The following PLEKHA3 variants were observed in gnomAD, a reference collection of about 807,000 sequenced individuals.
The protein encoded by PLEKHA3 is pleckstrin homology domain containing A3, also known as pleckstrin homology domain-containing family A member 3.
PLEKHA3 carries 19 observed loss-of-function variants against 39.2 expected under a neutral mutation model. That is an observed-to-expected ratio of 0.48 (90% confidence interval 0.34 to 0.71). The LOEUF is 0.71. Among genes scored for constraint, PLEKHA3 ranks in the 30% least tolerant of loss-of-function variants. The probability of loss-of-function intolerance (pLI) is 0.01; values close to 1 mark genes in which losing one functional copy is unlikely to be tolerated. For synonymous variants in PLEKHA3, 97 were observed against 118.6 expected (o/e 0.82, Z 1.18); for missense variants, 253 against 359.5 (o/e 0.70, Z 2.40).
At chr2:178,487,589 T>C (rs905862741) in intron 2 of PLEKHA3, among the ~76,000 whole-genome samples, 2 of 151,968 alleles carry the variant, frequency 1.3e-5, no homozygotes, top group Non-Finnish European at 2.9e-5. Context: ...GAGGCACATG[T>C]CACTATGCCC....
rs1304351718 is a variant in PLEKHA3, at chr2:178,512,730, T to C, written c.*8843T>C. The C allele has an allele frequency of 6.5e-6, 1 of 153,750 alleles. No individual in the cohort carries two copies. Among genetic ancestry groups the C allele is most frequent in the Non-Finnish European group, 1.5e-5 (1 of 68,042 alleles). The allele number at this position is 153,750 out of a possible 1,614,324, so 9.5% of individuals were successfully genotyped here. On this transcript the variant is annotated 3_prime_UTR_variant, in exon 8 of 8. Coordinates refer to ENST00000234453, the MANE Select transcript of PLEKHA3 (RefSeq NM_019091.4). ...TGAAAGGAGATGTTCTAGGAAAACT[T>C]TTCAGTCCCGCTCAGTGCTGCCATC... is the stretch of plus-strand genomic sequence containing the variant.
intron 5 of PLEKHA3, among the ~76,000 whole-genome samples, chr2:178,496,842 T>C (rs7602597): frequency 0.31 from 47,155 of 151,954 alleles, 9,497 homozygotes; most frequent in East Asian, 0.66. Context: ...GGACTACAGG[T>C]GCACACCACG....
intron 3 of PLEKHA3, 29 bp downstream of exon 3, chr2:178,490,843 G>A: frequency 6.5e-7 from 1 of 1,544,190 alleles, no homozygotes; most frequent in East Asian, 2.3e-5. Flanking sequence ...CTTGTGGTGA[G>A]AGTACTTTCT....
intron 7 of PLEKHA3, among the ~76,000 whole-genome samples, chr2:178,502,840 T>A (rs1179368486): frequency 2.6e-5 from 4 of 151,464 alleles, no homozygotes; most frequent in Non-Finnish European, 5.9e-5. Flanking sequence ...ATACATATAG[T>A]TCACTTCTCT....
Position 178,480,575 on chromosome 2 carries a change from A to C in PLEKHA3, c.-295A>C. On this transcript the variant is annotated 5_prime_UTR_variant, in exon 1 of 8. Coordinates refer to ENST00000234453, the MANE Select transcript of PLEKHA3 (RefSeq NM_019091.4). ...CCGGAGGGAGCAGCCGGGCTGCGGA[A>C]GCGCGAGCAGGAGGCCGGTCGCGGG... 2 of 243,584 alleles carry C rather than the reference A, an allele frequency of 8.2e-6. No individual in the cohort carries two copies. The highest frequency in any genetic ancestry group is 1.6e-5 in the Non-Finnish European group (2 of 127,038). The allele number at this position is 243,584 out of a possible 1,614,324, so 15.1% of individuals were successfully genotyped here.
At chr2:178,497,059 T>C (rs942935964) in intron 5 of PLEKHA3, among the ~76,000 whole-genome samples, 1 of 152,048 alleles carries the variant, frequency 6.6e-6, no homozygotes, top group African/African-American at 2.4e-5. Flanking sequence ...GTGTTGGGAT[T>C]ACAGGCATAA....
chr2:178,483,535 A>G (rs147802480), intron 1 of PLEKHA3, among the ~76,000 whole-genome samples: 439 of 152,332 alleles, frequency 2.9e-3, no homozygotes, highest in African/African-American at 9.7e-3. Context: ...TGCAAATTCT[A>G]AATGAATCAT....
intron 5 of PLEKHA3, among the ~76,000 whole-genome samples, chr2:178,496,735 G>C (rs1685453797): frequency 6.6e-6 from 1 of 151,998 alleles, no homozygotes; most frequent in African/African-American, 2.4e-5. Context: ...TTTTTTTAGA[G>C]ACAGGGTCTC....
intron 1 of PLEKHA3, among the ~76,000 whole-genome samples, chr2:178,482,414 C>G (rs1489227447): frequency 6.6e-6 from 1 of 151,914 alleles, no homozygotes; most frequent in African/African-American, 2.4e-5. Context: ...TAGTGCACAC[C>G]TGTAGTCCCA....
At chr2:178,488,958 GCCTTT>G (rs1352891228) in intron 2 of PLEKHA3, 2 of 456,406 alleles carry the variant, frequency 4.4e-6, no homozygotes, top group African/African-American at 4.1e-5. Flanking sequence ...TAAGTTTGTT[GCCTTT>G]TCAGGTGACA....
intron 3 of PLEKHA3, among the ~76,000 whole-genome samples, chr2:178,492,445 T>C (rs1211339150): frequency 8.0e-6 from 1 of 124,450 alleles, no homozygotes; most frequent in Non-Finnish European, 1.6e-5. Context: ...TTATAGACAT[T>C]ACAATAAGTA....
At chr2:178,501,945 T>C (rs1049742091) in intron 7 of PLEKHA3, among the ~76,000 whole-genome samples, 9 of 151,998 alleles carry the variant, frequency 5.9e-5, no homozygotes, top group Non-Finnish European at 1.3e-4. Flanking sequence ...CATTTGTAAG[T>C]CAGTTGTTTG....
intron 5 of PLEKHA3, among the ~76,000 whole-genome samples, chr2:178,495,951 T>C (rs1685437084): frequency 6.6e-6 from 1 of 152,104 alleles, no homozygotes; most frequent in East Asian, 1.9e-4. Flanking sequence ...CAAAGTGCTG[T>C]GACAAAGAAA....
chr2:178,489,451 C>CTTTTTTTTTTTTTT (rs71023445), intron 2 of PLEKHA3, among the ~76,000 whole-genome samples: 2 of 82,370 alleles, frequency 2.4e-5, no homozygotes, highest in African/African-American at 5.0e-5. Flanking sequence ...TCTTTTCCTT[C>CTTTTTTTTTTTTTT]TTTTTTTTTT....
intron 1 of PLEKHA3, 102 bp from the exon 2 acceptor site, chr2:178,485,539 A>G: frequency 1.4e-6 from 1 of 736,874 alleles, no homozygotes; most frequent in South Asian, 1.7e-5. Context: ...GTTATTTGAG[A>G]GCCAAGAAAT....
At chr2:178,497,565 T>A (rs975384903) in intron 5 of PLEKHA3, among the ~76,000 whole-genome samples, 1 of 152,204 alleles carries the variant, frequency 6.6e-6, no homozygotes, top group Non-Finnish European at 1.5e-5. Flanking sequence ...CTTACAGGAC[T>A]GTGGTGTGGT....
rs1685634934 is a variant in PLEKHA3 at position 178,508,299 on chromosome 2, T to C, written c.*4412T>C. 1 of 152,272 alleles carries C rather than the reference T, an allele frequency of 6.6e-6. No individual in the cohort carries two copies. The highest frequency in any genetic ancestry group is 1.9e-4 in the East Asian group (1 of 5,194). The allele number at this position is 152,272 out of a possible 1,614,324, so 9.4% of individuals were successfully genotyped here. On this transcript the variant is annotated 3_prime_UTR_variant, in exon 8 of 8. Coordinates refer to ENST00000234453, the MANE Select transcript of PLEKHA3 (RefSeq NM_019091.4). ...TTCTTTATATATATATTTTAATTTC[T>C]AAGAGGTCTTTTTTTTCTGTTTCAT...
intron 2 of PLEKHA3, among the ~76,000 whole-genome samples, chr2:178,487,425 T>TTTTTC (rs1553603891): frequency 7.2e-6 from 1 of 139,338 alleles, no homozygotes; most frequent in Non-Finnish European, 1.6e-5. Context: ...TTTTTTCTTT[T>TTTTTC]TTTTCTTTTC....
rs555217172 is a variant in PLEKHA3, at chr2:178,511,798, G to A, written c.*7911G>A. On this transcript the variant is annotated 3_prime_UTR_variant, in exon 8 of 8. Coordinates refer to ENST00000234453, the MANE Select transcript of PLEKHA3 (RefSeq NM_019091.4). The stretch of plus-strand genomic sequence containing the variant: ...CTCTGAAAGTGCTGGGATTACAGGC[G>A]GGAGCCACCGTGCCTGACCTGACCT... 2.0e-5 allele frequency: 3 copies of A among 152,016 alleles called. No individual in the cohort carries two copies. The highest frequency in any genetic ancestry group is 1.3e-4 in the Admixed American group (2 of 15,262). The allele number at this position is 152,016 out of a possible 1,614,324, so 9.4% of individuals were successfully genotyped here. A position where few individuals can be genotyped will look rare whatever the true frequency, so the allele number is the denominator to read the frequency against.
Sources: allele counts gnomAD v4.1 joint callset (sites outside exome capture counted in the v4.1 genomes callset), GRCh38; gene constraint gnomAD v4.1.1; transcripts MANE v1.5; gene names NCBI Gene and HGNC (gene_info 2026-07-23, HGNC 2026-07-21).